The following CAMTA1 variants were observed in gnomAD, a reference collection of about 807,000 sequenced individuals.
CAMTA1 encodes the protein calmodulin-binding transcription activator 1.
Under a neutral mutation model 170.9 loss-of-function variants are expected in CAMTA1, and 27 were observed. The ratio of observed to expected loss-of-function variants is 0.16; its 90% CI spans 0.12 to 0.22. The LOEUF (loss-of-function observed/expected upper bound fraction) is 0.22. Among genes scored for constraint, CAMTA1 ranks in the 10% least tolerant of loss-of-function variants. The pLI is 1.00. For synonymous variants in CAMTA1, 833 were observed against 891.5 expected (o/e 0.93, Z 1.17); for missense variants, 1,619 against 2,217.2 (o/e 0.73, Z 5.42).
At chr1:7,617,698 C>T (rs952559988) in intron 6 of CAMTA1, among the ~76,000 whole-genome samples, 2 of 138,440 alleles carry the variant, frequency 1.4e-5, no homozygotes, top group African/African-American at 5.2e-5. Context: ...CACCCACCCC[C>T]CCACCCCCAT....
At position 6,934,250 on chromosome 1, in the gene CAMTA1, T is replaced by C. The variant is rs970940622; in HGVS notation, c.234+109040T>C. 6.6e-6 allele frequency among the ~76,000 whole-genome samples: 1 copy of C among 152,212 alleles called. No homozygotes were observed. Among genetic ancestry groups the C allele is most frequent in the Non-Finnish European group, 1.5e-5 (1 of 68,038 alleles). The stretch of plus-strand genomic sequence containing the variant: ...TGGGATGCTTTTGGCTGAGCCCAGG[T>C]GTCCTCTGAGAAATGTGGACCGGAA... On this transcript the variant is annotated intron_variant, in intron 3 of 22. Transcript: ENST00000303635. This position sits in a 1 kb window ranked among gnomAD's most constrained non-coding sequence, Gnocchi z 4.5.
chr1:7,756,399 G>C (rs1165479124), intron 22 of CAMTA1, among the ~76,000 whole-genome samples: 5 of 152,142 alleles, frequency 3.3e-5, no homozygotes, highest in Non-Finnish European at 5.9e-5. Context: ...AATAGGCTTT[G>C]AATTTTAGAG....
chr1:7,704,832 G>A (rs887346540), intron 11 of CAMTA1, among the ~76,000 whole-genome samples: 2 of 148,152 alleles, frequency 1.3e-5, no homozygotes, highest in African/African-American at 2.4e-5. Flanking sequence ...GCGGGGCGCG[G>A]GAGCCAGTGA....
At chr1:7,009,811 A>G (rs1699534332) in intron 3 of CAMTA1, among the ~76,000 whole-genome samples, 1 of 152,196 alleles carries the variant, frequency 6.6e-6, no homozygotes, top group Non-Finnish European at 1.5e-5. Context: ...CTTTGTGCCC[A>G]GGGCTCTGGG....
At chr1:7,381,454 T>G (rs1046812261) in intron 5 of CAMTA1, among the ~76,000 whole-genome samples, 3 of 151,772 alleles carry the variant, frequency 2.0e-5, no homozygotes, top group Non-Finnish European at 4.4e-5. Context: ...GATTTCCAAT[T>G]TCATCCATGT....
chr1:6,935,901 C>T (rs528295876), intron 3 of CAMTA1, among the ~76,000 whole-genome samples: 6 of 152,224 alleles, frequency 3.9e-5, no homozygotes, highest in Admixed American at 3.9e-4. Flanking sequence ...GGGGTGGGCT[C>T]AGGGTCTCAG....
intron 3 of CAMTA1, among the ~76,000 whole-genome samples, chr1:7,058,160 C>A (rs1707649075): frequency 6.6e-6 from 1 of 151,482 alleles, no homozygotes; most frequent in Non-Finnish European, 1.5e-5. Context: ...GGACCCTTTC[C>A]CCAGCACCCC....
At chr1:7,544,872 G>A (rs1009503701) in intron 6 of CAMTA1, among the ~76,000 whole-genome samples, 4 of 152,110 alleles carry the variant, frequency 2.6e-5, no homozygotes, top group East Asian at 1.9e-4. Context: ...CGCTTTCTCC[G>A]GAGCTATTTC....
intron 6 of CAMTA1, among the ~76,000 whole-genome samples, chr1:7,493,663 C>T (rs1367123748): frequency 2.7e-5 from 4 of 148,016 alleles, no homozygotes; most frequent in African/African-American, 4.9e-5. Context: ...GGGGGGTCAG[C>T]GGAAGAGTTT....
chr1:7,709,660 A>G (rs1372948573), intron 11 of CAMTA1, among the ~76,000 whole-genome samples: 4 of 152,214 alleles, frequency 2.6e-5, no homozygotes, highest in Non-Finnish European at 5.9e-5. Context: ...CCCACTGTCT[A>G]GGGATGTGTG....
intron 6 of CAMTA1, among the ~76,000 whole-genome samples, chr1:7,509,183 C>T (rs1179203527): frequency 6.6e-6 from 1 of 152,234 alleles, no homozygotes; most frequent in African/African-American, 2.4e-5. Flanking sequence ...CTTCTGTCAC[C>T]ACTTTTTTCA....
chr1:7,224,924 G>A lies in CAMTA1; in HGVS notation c.303-24567G>A, dbSNP rs1016530677. Among the ~76,000 whole-genome samples, 6 of 152,188 alleles carry A rather than the reference G, an allele frequency of 3.9e-5. No individual in the cohort carries two copies. The highest frequency in any genetic ancestry group is 1.2e-4 in the African/African-American group (5 of 41,448). ...TCACATGAGCTGCATCCTTATTGCCGCAGCCAGCAGATGGCAGAAAGCGCC... is the reference window on the plus strand; with the variant it reads ...TCACATGAGCTGCATCCTTATTGCCACAGCCAGCAGATGGCAGAAAGCGCC... On this transcript the variant is annotated intron_variant, in intron 4 of 22. Coordinates refer to ENST00000303635, the MANE Select transcript of CAMTA1 (RefSeq NM_015215.4). This position sits in a 1 kb window ranked among gnomAD's most constrained non-coding sequence, Gnocchi z 5.2.
intron 1 of CAMTA1, among the ~76,000 whole-genome samples, chr1:6,802,760 G>T (rs1237190028): frequency 1.3e-5 from 2 of 151,180 alleles, no homozygotes; most frequent in African/African-American, 4.9e-5. Flanking sequence ...TTTGAGACAA[G>T]GTCTTATTCT....
At position 7,455,849 on chromosome 1, in the gene CAMTA1, C is replaced by T. The variant is rs1208645312; in HGVS notation, c.439-11981C>T. Among the ~76,000 whole-genome samples the T allele has an allele frequency of 6.6e-6, 1 of 152,204 alleles. No individual in the cohort carries two copies. Among genetic ancestry groups the T allele is most frequent in the Admixed American group, 6.5e-5 (1 of 15,282 alleles). The stretch of plus-strand genomic sequence containing the variant: ...CCAGAATGGCCTCGGGGAGTGGGCT[C>T]CTGGCATCTGCATCTGCTCTCCTCT... On this transcript the variant is annotated intron_variant, in intron 5 of 22. Coordinates refer to ENST00000303635, the MANE Select transcript of CAMTA1 (RefSeq NM_015215.4). This position sits in a 1 kb window ranked among gnomAD's most constrained non-coding sequence, Gnocchi z 5.0.
chr1:7,394,830 TGTGTGTG>T, intron 5 of CAMTA1, among the ~76,000 whole-genome samples: 1 of 151,298 alleles, frequency 6.6e-6, no homozygotes, highest in Admixed American at 6.6e-5. Context: ...TGTGTGTGTG[TGTGTGTG>T]TGTGTCTGTG....
intron 11 of CAMTA1, among the ~76,000 whole-genome samples, chr1:7,697,412 C>T (rs2096388244): frequency 6.6e-6 from 1 of 152,216 alleles, no homozygotes; most frequent in Non-Finnish European, 1.5e-5. Context: ...GCTGGGGATT[C>T]GAACTCAGGG....
At chr1:7,182,475 C>T (rs1652384311) in intron 4 of CAMTA1, among the ~76,000 whole-genome samples, 1 of 144,902 alleles carries the variant, frequency 6.9e-6, no homozygotes, top group Non-Finnish European at 1.5e-5. Flanking sequence ...GCCTGGGTGA[C>T]AGAGTGAACA....
intron 1 of CAMTA1, among the ~76,000 whole-genome samples, chr1:6,791,773 C>T (rs567055820): frequency 1.1e-4 from 16 of 152,134 alleles, no homozygotes; most frequent in African/African-American, 3.6e-4. Flanking sequence ...TTTTATTTTT[C>T]TTGAATACCT....
At chr1:6,882,458 G>A (rs534275865) in intron 3 of CAMTA1, among the ~76,000 whole-genome samples, 1 of 152,328 alleles carries the variant, frequency 6.6e-6, no homozygotes. Context: ...ATGTTTGAAA[G>A]GAAGAGCTGG....
Sources: gnomAD v4.1 joint callset for allele counts (sites outside exome capture counted in the v4.1 genomes callset) on GRCh38, gnomAD v4.1.1 for gene constraint, Gnocchi (gnomAD v3.1) non-coding constraint, MANE v1.5 for transcripts, NCBI Gene and HGNC (gene_info 2026-07-23, HGNC 2026-07-21) for gene names.